PPM1B: variants seen among roughly 807,000 people sequenced by gnomAD.
The protein encoded by PPM1B is protein phosphatase 1B.
In PPM1B, 22 loss-of-function variants were observed where a neutral mutation model predicts 43.0. The observed-to-expected ratio is 0.51, with a 90% CI of 0.37 to 0.73. PPM1B has a LOEUF of 0.73. Among genes scored for constraint, PPM1B ranks in the 30% least tolerant of loss-of-function variants. PPM1B has a pLI of 0.00. For missense variants in PPM1B, 632 were observed against 584.2 expected (o/e 1.08, Z -0.84); for synonymous variants, 217 against 197.9 (o/e 1.10, Z -0.81).
At chr2:44,175,335 C>A (rs141078884) in intron 1 of PPM1B, among the ~76,000 whole-genome samples, 1 of 152,234 alleles carries the variant, frequency 6.6e-6, no homozygotes, top group East Asian at 1.9e-4. Context: ...TTTTGTTGAG[C>A]TTTGGGAGGC....
chr2:44,197,553 G>T (rs1014292230), intron 1 of PPM1B, among the ~76,000 whole-genome samples: 1 of 152,174 alleles, frequency 6.6e-6, no homozygotes, highest in African/African-American at 2.4e-5. Context: ...ATCTGTGTCA[G>T]TATCCAGTCA....
In PPM1B at chr2:44,230,540, C is replaced by A. The variant is rs753032651; in HGVS notation, c.1262C>A (p.Ala421Asp). 2 of 1,614,094 alleles carry A rather than the reference C, an allele frequency of 1.2e-6. No homozygotes were observed. Among genetic ancestry groups the A allele is most frequent in the Non-Finnish European group, 1.7e-6 (2 of 1,179,984 alleles). The change falls in exon 6 of 6, where the codon GCT (alanine) becomes GAT (aspartate). Residue 421 changes from alanine (A) to aspartate (D), a missense_variant. By Grantham distance (126) the Ala-to-Asp change is moderately radical (BLOSUM62 -2). Coordinates refer to ENST00000282412, the MANE Select transcript of PPM1B (RefSeq NM_002706.6). ...LEEMLTSYRL[A>D]KVEGEESPAE... ...GAGATGCTGACTAGTTACAGGCTAG[C>A]TAAAGTAGAGGGAGAAGAAAGCCCT...
At chr2:44,219,795 T>A (rs1284408091) in intron 5 of PPM1B, among the ~76,000 whole-genome samples, 1 of 151,784 alleles carries the variant, frequency 6.6e-6, no homozygotes, top group African/African-American at 2.4e-5. Flanking sequence ...CATACGATAT[T>A]AACTGGGCAT....
intron 3 of PPM1B, among the ~76,000 whole-genome samples, chr2:44,216,621 C>T (rs1669730887): frequency 1.3e-5 from 2 of 152,104 alleles, no homozygotes; most frequent in African/African-American, 4.8e-5. Flanking sequence ...AAATTGAAAC[C>T]TCAAGGATGA....
At chr2:44,175,855 G>A (rs1043730791) in intron 1 of PPM1B, among the ~76,000 whole-genome samples, 2 of 148,166 alleles carry the variant, frequency 1.3e-5, no homozygotes, top group East Asian at 2.0e-4. Flanking sequence ...GTATGATCTC[G>A]GCTCACTGCA....
At chr2:44,186,394 G>T (rs1325354452) in intron 1 of PPM1B, among the ~76,000 whole-genome samples, 1 of 152,038 alleles carries the variant, frequency 6.6e-6, no homozygotes, top group Non-Finnish European at 1.5e-5. Context: ...TTTGAGACAG[G>T]GTCTTGCTCT....
chr2:44,235,746 C>A (rs573631046), downstream of PPM1B, among the ~76,000 whole-genome samples: 2 of 151,550 alleles, frequency 1.3e-5, no homozygotes, highest in African/African-American at 2.4e-5. Flanking sequence ...CAAAAAAATT[C>A]TAAGTACTCT....
At chr2:44,186,351 T>C (rs184920606) in intron 1 of PPM1B, among the ~76,000 whole-genome samples, 2 of 152,278 alleles carry the variant, frequency 1.3e-5, no homozygotes, top group Non-Finnish European at 2.9e-5. Flanking sequence ...AGCACATTAT[T>C]TTAAATATTT....
intron 1 of PPM1B, among the ~76,000 whole-genome samples, chr2:44,171,507 C>T (rs1667342674): frequency 6.6e-6 from 1 of 152,086 alleles, no homozygotes; most frequent in Non-Finnish European, 1.5e-5. Context: ...GCCACGGTAT[C>T]ACTTAGTGAT....
At chr2:44,229,817 G>GAAT (rs1217230128) in intron 5 of PPM1B, among the ~76,000 whole-genome samples, 1 of 151,990 alleles carries the variant, frequency 6.6e-6, no homozygotes, top group Non-Finnish European at 1.5e-5. Context: ...AAATATGAAA[G>GAAT]GATTGAGTAG....
chr2:44,224,799 A>T (rs1158922254), intron 5 of PPM1B, among the ~76,000 whole-genome samples: 1 of 152,218 alleles, frequency 6.6e-6, no homozygotes, highest in Non-Finnish European at 1.5e-5. Context: ...CTGATATGAT[A>T]GTTTAATCAA....
At chr2:44,238,190 A>G (rs200315995), downstream of PPM1B, among the ~76,000 whole-genome samples, 4 of 152,184 alleles carry the variant, frequency 2.6e-5, no homozygotes, top group East Asian at 7.7e-4. Flanking sequence ...GGCGTGACCC[A>G]CCGCACCCAG....
downstream of PPM1B, chr2:44,234,149 C>T: frequency 1.0e-6 from 1 of 974,144 alleles, no homozygotes; most frequent in Non-Finnish European, 1.2e-6. Flanking sequence ...AATTTAATTC[C>T]AAAGAGGAAT....
At chr2:44,206,451 C>T (rs1481065837) in intron 2 of PPM1B, among the ~76,000 whole-genome samples, 1 of 152,186 alleles carries the variant, frequency 6.6e-6, no homozygotes, top group Non-Finnish European at 1.5e-5. Context: ...TGAAATCACA[C>T]ATGCCTGAGA....
chr2:44,168,956 G>A lies in PPM1B; in HGVS notation c.-333G>A, dbSNP rs1233346078. ...GGCCTCGTTCCCCTAGCAGTTGCGG[G>A]GGAGTTTCCTGCCGGCGCGGCTGGA... is the stretch of plus-strand genomic sequence containing the variant. On this transcript the variant is annotated 5_prime_UTR_variant, in exon 1 of 6. Transcript: ENST00000282412. The A allele has an allele frequency of 1.3e-5, 2 of 154,036 alleles. No homozygotes were observed. Among genetic ancestry groups the A allele is most frequent in the African/African-American group, 4.8e-5 (2 of 41,480 alleles). 9.5% of individuals were successfully genotyped at this position (154,036 alleles called of 1,614,324 possible). A position where few individuals can be genotyped will look rare whatever the true frequency, so the allele number is the denominator to read the frequency against.
chr2:44,198,654 CTG>C (rs1668776316), intron 1 of PPM1B, among the ~76,000 whole-genome samples: 1 of 152,202 alleles, frequency 6.6e-6, no homozygotes, highest in Admixed American at 6.6e-5. Flanking sequence ...TAATGTGCCT[CTG>C]TTACAAAAAT....
chr2:44,226,413 C>T (rs575951863), intron 5 of PPM1B, among the ~76,000 whole-genome samples: 1 of 152,212 alleles, frequency 6.6e-6, no homozygotes, highest in Non-Finnish European at 1.5e-5. Flanking sequence ...CAAAATTGAC[C>T]CAAATACGAC....
At chr2:44,206,029 C>G (rs1669174822) in intron 2 of PPM1B, among the ~76,000 whole-genome samples, 1 of 152,128 alleles carries the variant, frequency 6.6e-6, no homozygotes, top group African/African-American at 2.4e-5. Flanking sequence ...AAAACAAAAA[C>G]AAACAAAAAA....
At chr2:44,189,269 AC>A (rs1180391012) in intron 1 of PPM1B, among the ~76,000 whole-genome samples, 1 of 152,142 alleles carries the variant, frequency 6.6e-6, no homozygotes, top group Non-Finnish European at 1.5e-5. Flanking sequence ...TTGAGAAAAG[AC>A]AGAACACTTC....
Sources: gnomAD v4.1 joint callset for allele counts (sites outside exome capture counted in the v4.1 genomes callset) on GRCh38, gnomAD v4.1.1 for gene constraint, MANE v1.5 for transcripts, NCBI Gene and HGNC (gene_info 2026-07-23, HGNC 2026-07-21) for gene names.